The following OGN variants were observed in gnomAD, a reference collection of about 807,000 sequenced individuals.
OGN encodes the protein mimecan.
A neutral mutation model predicts 30.8 loss-of-function variants in OGN; 19 were observed. The observed-to-expected ratio is 0.62, with a 90% confidence interval of 0.43 to 0.90. The LOEUF is 0.90. Ranked by LOEUF, OGN falls within the 40% of genes least tolerant of loss-of-function variation. OGN has a pLI of 0.00. For synonymous variants in OGN, 126 were observed against 128.3 expected, an observed-to-expected ratio of 0.98 and a Z score of 0.12; for missense variants, 283 against 349.7, an observed-to-expected ratio of 0.81 and a Z score of 1.52.
intron 5 of OGN, among the ~76,000 whole-genome samples, chr9:92,389,321 A>G (rs1465607471): frequency 6.6e-6 from 1 of 152,206 alleles, no homozygotes; most frequent in Non-Finnish European, 1.5e-5. Flanking sequence ...TTGAATTGTT[A>G]AGAAATGTAT....
upstream of OGN, chr9:92,404,633 G>T (rs1286509660): frequency 7.8e-7 from 1 of 1,280,082 alleles, no homozygotes; most frequent in Non-Finnish European, 1.0e-6. Context: ...GGGCCCAGCA[G>T]CTTTAAGAAC....
intron 3 of OGN, among the ~76,000 whole-genome samples, chr9:92,398,053 A>G (rs1842963515): frequency 6.6e-6 from 1 of 152,100 alleles, no homozygotes; most frequent in Non-Finnish European, 1.5e-5. Flanking sequence ...ATTTACGTAT[A>G]TTTACTTAGT....
rs565888765 is a variant in OGN, at chr9:92,403,656, T to G, written c.-75-174A>C. ...TCTGAAAAATAGTTTTGGAAAATAG[T>G]TTTACTTCTCTATCAGAAATTCAAG... On this transcript the variant is annotated intron_variant, in intron 1 of 6. Coordinates refer to ENST00000375561, the MANE Select transcript of OGN (RefSeq NM_014057.5). 41 of 1,123,412 alleles carry G rather than the reference T, an allele frequency of 3.6e-5. No homozygotes were observed. In the South Asian group the frequency reaches 1.3e-3, roughly 36 times the overall value. The allele number at this position is 1,123,412 out of a possible 1,614,324, so 69.6% of individuals were successfully genotyped here. A position where few individuals can be genotyped will look rare whatever the true frequency, so the allele number is the denominator to read the frequency against.
chr9:92,387,633 C>T (rs996174934), intron 5 of OGN, among the ~76,000 whole-genome samples: 1 of 152,168 alleles, frequency 6.6e-6, no homozygotes, highest in Non-Finnish European at 1.5e-5. Context: ...CCTACCCTTC[C>T]ACCATGTGGG....
intron 2 of OGN, among the ~76,000 whole-genome samples, chr9:92,402,104 A>C (rs72752457): frequency 0.031 from 4,677 of 152,316 alleles, 112 homozygotes; most frequent in South Asian, 0.084. Flanking sequence ...AGAGAAAAAT[A>C]ATCTCTAAAC....
At chr9:92,396,374 T>C (rs1264572914) in intron 3 of OGN, among the ~76,000 whole-genome samples, 1 of 151,368 alleles carries the variant, frequency 6.6e-6, no homozygotes, top group East Asian at 1.9e-4. Context: ...AGCTTGTTAA[T>C]TAAACAAAAA....
chr9:92,388,043 C>T (rs901074315), intron 5 of OGN, among the ~76,000 whole-genome samples: 3 of 152,124 alleles, frequency 2.0e-5, no homozygotes, highest in African/African-American at 7.2e-5. Flanking sequence ...GGATTACAGG[C>T]ATGAGCCACC....
intron 4 of OGN, among the ~76,000 whole-genome samples, chr9:92,391,582 G>A (rs1471914448): frequency 6.6e-6 from 1 of 152,068 alleles, no homozygotes; most frequent in Non-Finnish European, 1.5e-5. Flanking sequence ...CTGGGCAACA[G>A]AGCGAGACCC....
intron 5 of OGN, among the ~76,000 whole-genome samples, chr9:92,388,569 G>C (rs1386273232): frequency 6.6e-6 from 1 of 151,458 alleles, no homozygotes; most frequent in Non-Finnish European, 1.5e-5. Context: ...GGCCAGGCAC[G>C]GTGGCTTACG....
At chr9:92,403,546 T>C in intron 1 of OGN, 64 bp from the exon 2 acceptor site, 1 of 1,384,112 alleles carries the variant, frequency 7.2e-7, no homozygotes, top group East Asian at 2.5e-5. Flanking sequence ...TTTGGCAGGG[T>C]GTGCGCAGTA....
chr9:92,403,438 A>C lies in OGN; in HGVS notation c.-31T>G. 1.9e-6 allele frequency: 3 copies of C among 1,587,118 alleles called. No homozygotes were observed. The highest frequency in any genetic ancestry group is 2.6e-6 in the Non-Finnish European group (3 of 1,168,844). On this transcript the variant is annotated 5_prime_UTR_variant, in exon 2 of 7. It introduces an in-frame stop codon into an upstream open reading frame of the 5' UTR. Coordinates refer to ENST00000375561, the MANE Select transcript of OGN (RefSeq NM_014057.5). ...CAAAAATCAAGGTGACTGGAAGTTA[A>C]TAAACTAGTGGCCTGCTGACTGTGG... is the stretch of plus-strand genomic sequence containing the variant.
intron 3 of OGN, among the ~76,000 whole-genome samples, chr9:92,398,056 T>C (rs1842963771): frequency 6.6e-6 from 1 of 152,240 alleles, no homozygotes; most frequent in Non-Finnish European, 1.5e-5. Context: ...TACGTATATT[T>C]ACTTAGTTCT....
At chr9:92,400,568 G>T (rs1043539244) in intron 3 of OGN, among the ~76,000 whole-genome samples, 2 of 152,140 alleles carry the variant, frequency 1.3e-5, no homozygotes, top group African/African-American at 4.8e-5. Context: ...TTAATATGTG[G>T]TTTTTGTCAT....
chr9:92,389,704 G>T (rs1842588372), intron 5 of OGN, 150 bp downstream of exon 5: 2 of 583,394 alleles, frequency 3.4e-6, no homozygotes, highest in Non-Finnish European at 3.0e-6. Flanking sequence ...GAGCCTAATA[G>T]GATGGTTATT....
Position 92,385,420 on chromosome 9 carries a change from A to G in OGN, c.*200T>C, listed in dbSNP as rs1842378909. 2.0e-6 allele frequency: 1 copy of G among 507,104 alleles called. No homozygotes were observed. The highest frequency in any genetic ancestry group is 1.9e-5 in the African/African-American group (1 of 51,370). 31.4% of individuals were successfully genotyped at this position (507,104 alleles called of 1,614,324 possible). On this transcript the variant is annotated 3_prime_UTR_variant, in exon 7 of 7. Transcript: ENST00000375561. Reference sequence around the variant, plus strand: ...AATGCTGTTTAAATATTTTCATATTACTTTGTTTCGAACGTAGACATTCAG... The same window carrying G: ...AATGCTGTTTAAATATTTTCATATTGCTTTGTTTCGAACGTAGACATTCAG...
At chr9:92,402,787 A>C (rs137862261) in intron 2 of OGN, among the ~76,000 whole-genome samples, 70 of 152,330 alleles carry the variant, frequency 4.6e-4, no homozygotes, top group African/African-American at 1.6e-3. Context: ...TTGATATCAA[A>C]ATAACCAGTA....
intron 3 of OGN, among the ~76,000 whole-genome samples, chr9:92,399,780 T>A (rs551211242): frequency 6.6e-6 from 1 of 152,362 alleles, no homozygotes; most frequent in South Asian, 2.1e-4. Context: ...GTGATTTAGG[T>A]TGGTACCTTT....
chr9:92,396,623 G>T (rs766681208), intron 3 of OGN, among the ~76,000 whole-genome samples: 3 of 150,508 alleles, frequency 2.0e-5, no homozygotes, highest in African/African-American at 7.3e-5. Context: ...GGGTACAGTC[G>T]CATGATCATG....
intron 5 of OGN, among the ~76,000 whole-genome samples, chr9:92,388,441 C>T (rs904440659): frequency 4.6e-5 from 7 of 151,890 alleles, no homozygotes; most frequent in Admixed American, 6.6e-5. Context: ...GGATTATAGG[C>T]GTGAGCCACT....
Sources: allele counts gnomAD v4.1 joint callset (sites outside exome capture counted in the v4.1 genomes callset), GRCh38; gene constraint gnomAD v4.1.1; transcripts MANE v1.5; gene names NCBI Gene and HGNC (gene_info 2026-07-23, HGNC 2026-07-21).